RARS1: variants seen among roughly 807,000 people sequenced by gnomAD.
RARS1 encodes arginine--tRNA ligase, cytoplasmic.
Under a neutral mutation model 78.7 loss-of-function variants are expected in RARS1, and 75 were observed. That is an observed-to-expected ratio of 0.95 (90% confidence interval 0.79 to 1.15). The LOEUF (loss-of-function observed/expected upper bound fraction) is 1.15. Ranked by LOEUF, RARS1 falls within the 50% of genes most tolerant of loss-of-function variation. RARS1 has a pLI of 0.00. For synonymous variants in RARS1, 273 were observed against 268.2 expected, an observed-to-expected ratio of 1.02 and a Z score of -0.18; for missense variants, 787 against 787.5, an observed-to-expected ratio of 1.00 and a Z score of 0.01.
intron 2 of RARS1, among the ~76,000 whole-genome samples, chr5:168,489,743 A>C: frequency 6.6e-6 from 1 of 151,904 alleles, no homozygotes; most frequent in East Asian, 1.9e-4. Context: ...TCCTTTTCCC[A>C]AAGCTGATTG....
At position 168,514,786 on chromosome 5, in the gene RARS1, C is replaced by T. The variant is rs542519368; in HGVS notation, c.1453-1992C>T. ...AGATCCAGTCCAGGATAACATGTTA[C>T]ATTTAGTTATCATGTCTCCTTCTCT... is the stretch of plus-strand genomic sequence containing the variant. On this transcript the variant is annotated intron_variant, in intron 12 of 14. Coordinates refer to ENST00000231572, the MANE Select transcript of RARS1 (RefSeq NM_002887.4). Among the ~76,000 whole-genome samples the T allele has an allele frequency of 2.6e-5, 4 of 152,300 alleles. No individual in the cohort carries two copies. The South Asian group carries it at 8.3e-4, about 32-fold the overall frequency.
At chr5:168,488,066 T>C in intron 1 of RARS1, 1 of 274,050 alleles carries the variant, frequency 3.6e-6, no homozygotes, top group South Asian at 3.0e-5. Flanking sequence ...GCATATCCCA[T>C]TATATACTTA....
chr5:168,491,946 C>CTTT (rs149780336), intron 2 of RARS1, among the ~76,000 whole-genome samples: 43 of 102,598 alleles, frequency 4.2e-4, no homozygotes, highest in Non-Finnish European at 5.7e-4. Flanking sequence ...TGTCATTCAC[C>CTTT]TTTTTTTTTT....
intron 11 of RARS1, among the ~76,000 whole-genome samples, chr5:168,507,261 TTGTTA>T (rs1387721300): frequency 3.3e-5 from 5 of 152,252 alleles, no homozygotes; most frequent in East Asian, 1.9e-4. Context: ...TTCACTGGTT[TTGTTA>T]TGTTCTCTCC....
chr5:168,505,567 T>C (rs1211374473), intron 9 of RARS1, among the ~76,000 whole-genome samples: 1 of 152,092 alleles, frequency 6.6e-6, no homozygotes, highest in Non-Finnish European at 1.5e-5. Context: ...ACCGAGCTGA[T>C]GGGTTCCAAC....
At chr5:168,516,264 A>G (rs1294023974) in intron 12 of RARS1, among the ~76,000 whole-genome samples, 2 of 152,202 alleles carry the variant, frequency 1.3e-5, no homozygotes, top group Admixed American at 6.5e-5. Flanking sequence ...GCCAGAAGCA[A>G]AAATCCTTAA....
chr5:168,493,038 G>C, intron 3 of RARS1, 191 bp downstream of exon 3: 1 of 513,710 alleles, frequency 1.9e-6, no homozygotes, highest in Non-Finnish European at 3.4e-6. Flanking sequence ...TTTAAGGTTT[G>C]GTTAAATTTT....
rs1285965903 is a variant in RARS1 at position 168,492,725 on chromosome 5, G to T, written c.247G>T (p.Val83Phe). Residue 83 changes from valine to phenylalanine, a missense_variant, in exon 3 of 15, where the codon GTC (valine) becomes TTC (phenylalanine). Physicochemically the swap from Val to Phe is conservative, Grantham distance 50 (BLOSUM62 -1). Coordinates refer to ENST00000231572, the MANE Select transcript of RARS1 (RefSeq NM_002887.4). The part of the protein sequence containing the change: ...MINIISRLQE[V>F]FGHAIKAAYP... ...TAACATTATTAGCCGCCTACAAGAG[G>T]TCTTTGGTCATGCAATTAAGGCTGC... 1 of 1,612,940 alleles carries T rather than the reference G, an allele frequency of 6.2e-7. No homozygotes were observed. Among genetic ancestry groups the T allele is most frequent in the South Asian group, 1.1e-5 (1 of 91,056 alleles).
At position 168,494,590 on chromosome 5, in the gene RARS1, A is replaced by G. The variant is rs748662699; in HGVS notation, c.519A>G (p.Glu173=). ...ACTTAAGAAAGGATTTTGTATCAGAACAATTGACCAGTCTTCTAGTGAATG... is the reference window on the plus strand; with the variant it reads ...ACTTAAGAAAGGATTTTGTATCAGAGCAATTGACCAGTCTTCTAGTGAATG... ...NVHLRKDFVS[E]QLTSLLVNGV... The change falls in exon 5 of 15, where the codon GAA becomes GAG. Residue 173 remains glutamate, a synonymous_variant. Transcript: ENST00000231572. 1.9e-6 allele frequency: 3 copies of G among 1,611,692 alleles called. No individual in the cohort carries two copies. The highest frequency in any genetic ancestry group is 1.1e-5 in the South Asian group (1 of 91,018).
intron 6 of RARS1, 119 bp downstream of exon 6, chr5:168,495,555 C>G: frequency 7.1e-7 from 1 of 1,402,478 alleles, no homozygotes; most frequent in Non-Finnish European, 9.4e-7. Flanking sequence ...GGTTCATCAG[C>G]TTAGTTCTTC....
chr5:168,505,867 T>C (rs2152905283), intron 9 of RARS1, among the ~76,000 whole-genome samples, 154 bp from the exon 10 acceptor site: 1 of 152,296 alleles, frequency 6.6e-6, no homozygotes, highest in East Asian at 1.9e-4. Flanking sequence ...TAGATCATGG[T>C]GAGGAAAAAA....
intron 7 of RARS1, 143 bp downstream of exon 7, chr5:168,497,491 G>A: frequency 3.4e-6 from 2 of 595,590 alleles, no homozygotes; most frequent in Non-Finnish European, 5.2e-6. Context: ...ACATGTCTCT[G>A]TATAAATGAC....
Position 168,517,953 on chromosome 5 carries a change from T to A in RARS1, c.1764T>A (p.Ile588=), listed in dbSNP as rs146918787. The A allele has an allele frequency of 1.4e-5, 23 of 1,613,888 alleles. No homozygotes were observed. The highest frequency in any genetic ancestry group is 1.6e-4 in the Middle Eastern group (1 of 6,062). The change falls in exon 14 of 15, where the codon ATT becomes ATA. Residue 588 remains isoleucine (I), a synonymous_variant. Transcript: ENST00000231572. ...ILRFPEILQK[I]LDDLFLHTLC... is the part of the protein sequence containing the mutation. ...GGTTCCCTGAGATTCTGCAAAAGAT[T>A]TTAGATGACTTATTTCTCCACACTC...
chr5:168,518,190 T>C (rs1403887982), intron 14 of RARS1, 128 bp downstream of exon 14: 2 of 1,146,650 alleles, frequency 1.7e-6, no homozygotes, highest in Non-Finnish European at 2.3e-6. Flanking sequence ...CTCAAGTGAT[T>C]CTCCCACTTG....
At chr5:168,489,393 T>C (rs1561818502) in intron 2 of RARS1, among the ~76,000 whole-genome samples, 1 of 152,234 alleles carries the variant, frequency 6.6e-6, no homozygotes, top group Non-Finnish European at 1.5e-5. Flanking sequence ...TTTAAATCAT[T>C]GCCTCTATCA....
chr5:168,513,141 G>A (rs1758598278), intron 12 of RARS1, among the ~76,000 whole-genome samples: 1 of 150,090 alleles, frequency 6.7e-6, no homozygotes, highest in African/African-American at 2.5e-5. Flanking sequence ...CGCCTCCCAT[G>A]TTCACGCCAT....
intron 3 of RARS1, among the ~76,000 whole-genome samples, chr5:168,493,683 T>G (rs1462409405): frequency 6.6e-6 from 1 of 151,962 alleles, no homozygotes; most frequent in African/African-American, 2.4e-5. Context: ...TGTAACGTAT[T>G]TGGAAATAGA....
At chr5:168,502,198 A>G in intron 9 of RARS1, 93 bp downstream of exon 9, 1 of 1,479,340 alleles carries the variant, frequency 6.8e-7, no homozygotes, top group African/African-American at 1.4e-5. Flanking sequence ...TCATGTACTC[A>G]TCATCCAATT....
chr5:168,501,958 T>A, intron 8 of RARS1, 43 bp from the exon 9 acceptor site: 2 of 1,562,308 alleles, frequency 1.3e-6, no homozygotes, highest in Non-Finnish European at 1.7e-6. Flanking sequence ...TTTTAAAAAA[T>A]TCTTATGCAT....
Sources: allele counts gnomAD v4.1 joint callset (sites outside exome capture counted in the v4.1 genomes callset), GRCh38; gene constraint gnomAD v4.1.1; transcripts MANE v1.5; gene names NCBI Gene and HGNC (gene_info 2026-07-23, HGNC 2026-07-21).